Variants in ACTR10 observed in about 807,000 individuals in gnomAD.
ACTR10 encodes actin-related protein 10.
ACTR10 carries 43 observed loss-of-function variants against 56.2 expected under a neutral mutation model. That is an observed-to-expected ratio of 0.77 (90% confidence interval 0.60 to 0.99). The LOEUF (loss-of-function observed/expected upper bound fraction) is 0.99, where lower values mean the gene tolerates loss of function less well. Ranked by LOEUF, ACTR10 falls within the 50% of genes least tolerant of loss-of-function variation. The probability of loss-of-function intolerance (pLI) is 0.00; values close to 1 mark genes in which losing one functional copy is unlikely to be tolerated. For missense variants in ACTR10, 466 were observed against 507.8 expected, an observed-to-expected ratio of 0.92 and a Z score of 0.79; for synonymous variants, 170 against 176.3, an observed-to-expected ratio of 0.96 and a Z score of 0.28.
intron 1 of ACTR10, among the ~76,000 whole-genome samples, chr14:58,202,152 C>T (rs370465173): frequency 5.9e-4 from 89 of 151,896 alleles, no homozygotes; most frequent in African/African-American, 2.0e-3. Flanking sequence ...GTGAATACAC[C>T]AATATGGAAG....
intron 10 of ACTR10, among the ~76,000 whole-genome samples, chr14:58,229,048 A>G (rs1013686336): frequency 2.6e-5 from 4 of 152,128 alleles, no homozygotes; most frequent in African/African-American, 7.2e-5. Context: ...ATGATATCAA[A>G]ACTAGTAAAT....
At chr14:58,230,896 G>A (rs886614230) in intron 11 of ACTR10, among the ~76,000 whole-genome samples, 9 of 151,990 alleles carry the variant, frequency 5.9e-5, no homozygotes, top group African/African-American at 1.9e-4. Context: ...GAGGAACTGG[G>A]ATTACAGGCA....
At chr14:58,219,929 T>C (rs780987144) in intron 8 of ACTR10, among the ~76,000 whole-genome samples, 200 bp downstream of exon 8, 12 of 152,182 alleles carry the variant, frequency 7.9e-5, no homozygotes, top group Admixed American at 1.3e-4. Flanking sequence ...AGTGATGATG[T>C]GTTACTGAAG....
chr14:58,232,390 A>G (rs1453260075), intron 12 of ACTR10, 123 bp downstream of exon 12: 8 of 547,008 alleles, frequency 1.5e-5, no homozygotes, highest in Admixed American at 4.1e-5. Flanking sequence ...AAATAGAACT[A>G]ACACTGACTT....
intron 11 of ACTR10, among the ~76,000 whole-genome samples, chr14:58,230,928 T>G (rs1419298875): frequency 6.6e-6 from 1 of 152,010 alleles, no homozygotes; most frequent in African/African-American, 2.4e-5. Flanking sequence ...GCCCAGCTAA[T>G]TTTTGTATTA....
In ACTR10 at chr14:58,202,860, G is replaced by A. The variant is rs776896623; in HGVS notation, c.83G>A (p.Gly28Glu). 8.7e-6 allele frequency: 14 copies of A among 1,602,390 alleles called. No individual in the cohort carries two copies. Among genetic ancestry groups the A allele is most frequent in the Non-Finnish European group, 1.2e-5 (14 of 1,173,430 alleles). Residue 28 changes from glycine (G) to glutamate (E), a missense_variant, in exon 2 of 13, where the codon GGA becomes GAA. Physicochemically the swap from Gly to Glu is moderately conservative, Grantham distance 98. Coordinates refer to ENST00000254286, the MANE Select transcript of ACTR10 (RefSeq NM_018477.3). ...AATTTTCCATTTATTTGCAGGTGTG[G>A]ATTTGCTGGAGAAACTGGTCCAAGA... is the stretch of plus-strand genomic sequence containing the variant. ...IDLGEAFTKC[G>E]FAGETGPRCI...
At chr14:58,226,512 A>T (rs1199224917) in intron 10 of ACTR10, among the ~76,000 whole-genome samples, 3 of 152,070 alleles carry the variant, frequency 2.0e-5, no homozygotes, top group Non-Finnish European at 4.4e-5. Context: ...TGAATAAAGG[A>T]AGCCAGTATG....
Position 58,232,329 on chromosome 14 carries a change from T to TTA in ACTR10, c.1072+62_1072+63insTA, listed in dbSNP as rs1239234788. 2.4e-6 allele frequency: 3 copies of TTA among 1,236,080 alleles called. No individual in the cohort carries two copies. The African/African-American group carries it at 4.6e-5, about 19-fold the overall frequency. The allele number at this position is 1,236,080 out of a possible 1,614,324, so 76.6% of individuals were successfully genotyped here. ...GTATTTGGTCTCTGAATGACACTAT[T>TTA]AATGGATATATTAGAATAAATAATT... On this transcript the variant is annotated intron_variant, in intron 12 of 12. Coordinates refer to ENST00000254286, the MANE Select transcript of ACTR10 (RefSeq NM_018477.3).
rs1049921244 is a variant in ACTR10 at position 58,213,647 on chromosome 14, C to T, written c.467C>T (p.Pro156Leu). 6.2e-7 allele frequency: 1 copy of T among 1,611,520 alleles called. No homozygotes were observed. The highest frequency in any genetic ancestry group is 8.5e-7 in the Non-Finnish European group (1 of 1,178,372). The change falls in exon 6 of 13, where the codon CCA (proline) becomes CTA (leucine). Residue 156 changes from proline to leucine, a missense_variant. Physicochemically the swap from Pro to Leu is moderately conservative, Grantham distance 98. Transcript: ENST00000254286. ...ACTCTATAGATATATGAAGGAATCC[C>T]AGTTCTAAATTGTTGGGGAGCACTA... ...SLVLPIYEGI[P>L]VLNCWGALPL... is the part of the protein sequence containing the mutation.
intron 6 of ACTR10, among the ~76,000 whole-genome samples, chr14:58,214,024 A>T (rs1056371082): frequency 6.6e-6 from 1 of 152,210 alleles, no homozygotes; most frequent in African/African-American, 2.4e-5. Flanking sequence ...CAAACAATCC[A>T]GTTATACTCT....
chr14:58,221,205 C>A (rs1005467603), intron 8 of ACTR10, among the ~76,000 whole-genome samples: 3 of 150,780 alleles, frequency 2.0e-5, no homozygotes, highest in Non-Finnish European at 4.4e-5. Context: ...ATTGCTTGAA[C>A]CTGGGAGGCG....
chr14:58,208,555 A>G (rs1205567201), intron 3 of ACTR10, among the ~76,000 whole-genome samples: 3 of 144,834 alleles, frequency 2.1e-5, no homozygotes, highest in Non-Finnish European at 4.4e-5. Flanking sequence ...ATTGTAACCT[A>G]AAAAAAAAGA....
intron 11 of ACTR10, chr14:58,231,063 T>C (rs10150437): frequency 3.3e-6 from 1 of 306,322 alleles, no homozygotes; most frequent in Non-Finnish European, 6.7e-6. Context: ...GGCCTTTTTT[T>C]TCTCTTTTTT....
rs780180240 is a variant in ACTR10 at position 58,231,064 on chromosome 14, T to TC, written c.870+585dup. 2.7e-4 allele frequency: 83 copies of TC among 303,320 alleles called. 2 individuals are homozygous for TC. Among genetic ancestry groups the TC allele is most frequent in the South Asian group, 1.5e-3 (73 of 48,238 alleles). The allele number at this position is 303,320 out of a possible 1,614,324, so 18.8% of individuals were successfully genotyped here. A position where few individuals can be genotyped will look rare whatever the true frequency, so the allele number is the denominator to read the frequency against. ...GAGCCACCGCACCTGGCCTTTTTTT[T>TC]CTCTTTTTTTGACAGTGTTGCTCTT... is the stretch of plus-strand genomic sequence containing the variant. On this transcript the variant is annotated intron_variant, in intron 11 of 12. Coordinates refer to ENST00000254286, the MANE Select transcript of ACTR10 (RefSeq NM_018477.3).
At chr14:58,205,316 T>TA in intron 2 of ACTR10, among the ~76,000 whole-genome samples, 1 of 145,618 alleles carries the variant, frequency 6.9e-6, no homozygotes, top group South Asian at 2.2e-4. Flanking sequence ...TCAGAAATCT[T>TA]TTTTTTTTTT....
chr14:58,219,055 G>C (rs1889204338), intron 7 of ACTR10, among the ~76,000 whole-genome samples: 1 of 152,102 alleles, frequency 6.6e-6, no homozygotes, highest in South Asian at 2.1e-4. Flanking sequence ...CCCGACCTCA[G>C]GTGATCGGCC....
intron 11 of ACTR10, among the ~76,000 whole-genome samples, chr14:58,231,574 C>G (rs1180422337): frequency 6.6e-6 from 1 of 152,152 alleles, no homozygotes; most frequent in African/African-American, 2.4e-5. Context: ...ATTGAAGGAC[C>G]TTATCATCGC....
In ACTR10 at chr14:58,211,307, C is replaced by G; in HGVS notation, c.358C>G (p.Leu120Val). ...FKYFEVPSVL[L>V]APSHLMALLT... ...TATTTTCTAGGTTCCATCTGTCTTG[C>G]TTGCTCCAAGTCATCTAATGGCTCT... The change falls in exon 5 of 13, where the codon CTT becomes GTT. Residue 120 changes from leucine to valine, a missense_variant. By Grantham distance (32) the Leu-to-Val change is conservative. Transcript: ENST00000254286. 1 of 1,613,168 alleles carries G rather than the reference C, an allele frequency of 6.2e-7. No individual in the cohort carries two copies. The highest frequency in any genetic ancestry group is 8.5e-7 in the Non-Finnish European group (1 of 1,179,312).
chr14:58,234,740 T>C lies in ACTR10; in HGVS notation c.*189T>C. The C allele has an allele frequency of 2.2e-6, 1 of 446,508 alleles. No homozygotes were observed. Among genetic ancestry groups the C allele is most frequent in the Non-Finnish European group, 3.8e-6 (1 of 263,578 alleles). 27.7% of individuals were successfully genotyped at this position (446,508 alleles called of 1,614,324 possible). ...TCTTGTGTAGTGGTAAAATGGTAGC[T>C]GGTGCTTATTGAGATTTGCTGTATT... is the stretch of plus-strand genomic sequence containing the variant. On this transcript the variant is annotated 3_prime_UTR_variant, in exon 13 of 13. Coordinates refer to ENST00000254286, the MANE Select transcript of ACTR10 (RefSeq NM_018477.3).
Sources: gnomAD v4.1 joint callset for allele counts (sites outside exome capture counted in the v4.1 genomes callset) on GRCh38, gnomAD v4.1.1 for gene constraint, MANE v1.5 for transcripts, NCBI Gene and HGNC (gene_info 2026-07-23, HGNC 2026-07-21) for gene names.